Variants in PIGU observed in about 807,000 individuals in gnomAD.
PIGU encodes GPI-anchor transamidase component PIGU.
In PIGU, 24 loss-of-function variants were observed where a neutral mutation model predicts 49.9. The ratio of observed to expected loss-of-function variants is 0.48; its 90% confidence interval spans 0.35 to 0.68. The LOEUF (loss-of-function observed/expected upper bound fraction) is 0.68. Ranked by LOEUF, PIGU falls within the 30% of genes least tolerant of loss-of-function variation. The pLI, the probability that PIGU is intolerant of heterozygous loss-of-function variation, is 0.01. For synonymous variants in PIGU, 220 were observed against 205.7 expected (o/e 1.07, Z -0.59); for missense variants, 490 against 532.6 (o/e 0.92, Z 0.79).
chr20:34,658,138 G>A (rs1241080298), intron 1 of PIGU, among the ~76,000 whole-genome samples: 16 of 152,354 alleles, frequency 1.1e-4, no homozygotes, highest in Admixed American at 3.3e-4. Flanking sequence ...GATTGCAGGC[G>A]CGCGCCGCCA....
chr20:34,565,799 C>G (rs1982728815), intron 11 of PIGU, among the ~76,000 whole-genome samples: 2 of 151,750 alleles, frequency 1.3e-5, no homozygotes, highest in African/African-American at 2.4e-5. Context: ...CACATACATG[C>G]ACGCTTGCAC....
chr20:34,654,086 C>A (rs186910644), intron 2 of PIGU, among the ~76,000 whole-genome samples: 4 of 92,192 alleles, frequency 4.3e-5, no homozygotes, highest in Admixed American at 1.5e-4. Flanking sequence ...CTCGAACTCC[C>A]GACCTTGTGA....
At chr20:34,611,668 C>CAAAAAAAAAAAAAAAAAAAAAACA (rs149027105) in intron 7 of PIGU, among the ~76,000 whole-genome samples, 2 of 106,472 alleles carry the variant, frequency 1.9e-5, no homozygotes, top group African/African-American at 3.6e-5. Context: ...AAAAAAAAGA[C>CAAAAAAAAAAAAAAAAAAAAAACA]AAAAAAAAAA....
chr20:34,652,294 C>T (rs1042183889), intron 2 of PIGU, among the ~76,000 whole-genome samples: 3 of 152,118 alleles, frequency 2.0e-5, no homozygotes, highest in South Asian at 2.1e-4. Context: ...CATGAGCCAC[C>T]GTGCCTGGCC....
intron 1 of PIGU, among the ~76,000 whole-genome samples, chr20:34,673,096 T>C (rs1385009785): frequency 3.3e-5 from 5 of 151,404 alleles, no homozygotes; most frequent in African/African-American, 7.3e-5. Flanking sequence ...CTACTAAAAA[T>C]ACAAAAAATT....
chr20:34,608,802 T>A (rs1248946652), intron 7 of PIGU, among the ~76,000 whole-genome samples: 2 of 152,162 alleles, frequency 1.3e-5, no homozygotes, highest in Non-Finnish European at 2.9e-5. Flanking sequence ...GCCTCTGGCC[T>A]AAACACCATG....
intron 3 of PIGU, 143 bp downstream of exon 3, chr20:34,645,132 C>A (rs756533320): frequency 1.1e-5 from 9 of 842,784 alleles, no homozygotes; most frequent in Non-Finnish European, 1.3e-5. Flanking sequence ...AATGGGAGGA[C>A]CACTTAAGTC....
intron 6 of PIGU, among the ~76,000 whole-genome samples, chr20:34,623,145 G>T (rs1985311213): frequency 6.6e-6 from 1 of 152,114 alleles, no homozygotes; most frequent in South Asian, 2.1e-4. Flanking sequence ...AAGAGATTGG[G>T]TCACAGGTGA....
intron 4 of PIGU, among the ~76,000 whole-genome samples, chr20:34,640,088 G>A (rs986817506): frequency 6.6e-6 from 1 of 152,160 alleles, no homozygotes; most frequent in Non-Finnish European, 1.5e-5. Context: ...ACAGACAGGT[G>A]GGAATGCAGA....
chr20:34,603,747 T>C (rs1265013066), intron 7 of PIGU, among the ~76,000 whole-genome samples: 2 of 152,118 alleles, frequency 1.3e-5, no homozygotes, highest in African/African-American at 4.8e-5. Context: ...GCCATTTCCC[T>C]AAGAAACCCC....
intron 1 of PIGU, among the ~76,000 whole-genome samples, chr20:34,668,340 T>C (rs1002721012): frequency 6.6e-5 from 10 of 150,668 alleles, no homozygotes; most frequent in African/African-American, 2.4e-4. Context: ...CAGGGACCTA[T>C]AATCCCAGCT....
intron 6 of PIGU, among the ~76,000 whole-genome samples, chr20:34,631,721 CCATATATATATATA>C (rs1985720151): frequency 2.2e-5 from 1 of 46,148 alleles, no homozygotes; most frequent in African/African-American, 6.1e-5. Flanking sequence ...GTCCGGCTAA[CCATATATATATATA>C]TATATATATA....
At chr20:34,575,519 A>AT (rs1217286859) in intron 10 of PIGU, among the ~76,000 whole-genome samples, 1 of 152,182 alleles carries the variant, frequency 6.6e-6, no homozygotes, top group Non-Finnish European at 1.5e-5. Context: ...TAGAAATGCC[A>AT]TGAGTGCCTC....
intron 2 of PIGU, among the ~76,000 whole-genome samples, chr20:34,653,838 G>A (rs1168244333): frequency 1.3e-5 from 2 of 152,020 alleles, no homozygotes; most frequent in Non-Finnish European, 2.9e-5. Flanking sequence ...TTCTTTGGAA[G>A]ACTAAGGTGA....
chr20:34,676,918 G>T, intron 1 of PIGU, 38 bp downstream of exon 1: 2 of 1,555,428 alleles, frequency 1.3e-6, no homozygotes. Context: ...CGGGAGGGCA[G>T]GTGGGGCCTG....
At chr20:34,590,571 C>T (rs1398384249) in intron 7 of PIGU, among the ~76,000 whole-genome samples, 3 of 140,428 alleles carry the variant, frequency 2.1e-5, no homozygotes, top group Admixed American at 7.5e-5. Context: ...AATAAAATAG[C>T]GTAACGTAAC....
intron 1 of PIGU, among the ~76,000 whole-genome samples, chr20:34,676,024 TA>T (rs10711315): frequency 0.31 from 40,517 of 132,494 alleles, 6,770 homozygotes; most frequent in Non-Finnish European, 0.39. Context: ...TGTACTTCAG[TA>T]AAAAAAAAAA....
At chr20:34,674,330 G>C (rs1484770534) in intron 1 of PIGU, among the ~76,000 whole-genome samples, 2 of 152,014 alleles carry the variant, frequency 1.3e-5, no homozygotes, top group South Asian at 4.1e-4. Flanking sequence ...ACTCCAGCCT[G>C]GGCAACAAGA....
At chr20:34,632,818 G>C (rs1409669733) in intron 6 of PIGU, among the ~76,000 whole-genome samples, 2 of 151,774 alleles carry the variant, frequency 1.3e-5, no homozygotes, top group African/African-American at 4.8e-5. Context: ...ACCAGGCCCA[G>C]AGAACAACCA....
Sources: allele counts gnomAD v4.1 joint callset (sites outside exome capture counted in the v4.1 genomes callset), GRCh38; gene constraint gnomAD v4.1.1; transcripts MANE v1.5; gene names NCBI Gene and HGNC (gene_info 2026-07-23, HGNC 2026-07-21).